DPP6: variants seen among roughly 807,000 people sequenced by gnomAD.
DPP6 encodes the protein A-type potassium channel modulatory protein DPP6.
In DPP6, 69 loss-of-function variants were observed where a neutral mutation model predicts 122.6. The ratio of observed to expected loss-of-function variants is 0.56; its 90% CI spans 0.46 to 0.69. The LOEUF is 0.69. Ranked by LOEUF, DPP6 falls within the 30% of genes least tolerant of loss-of-function variation. The probability of loss-of-function intolerance (pLI) is 0.00; values close to 1 mark genes in which losing one functional copy is unlikely to be tolerated. For synonymous variants in DPP6, 418 were observed against 433.1 expected (o/e 0.97, Z 0.43); for missense variants, 928 against 1,116.9 (o/e 0.83, Z 2.41).
At position 154,592,641 on chromosome 7, in the gene DPP6, C is replaced by T. The variant is rs114486919; in HGVS notation, c.627+25725C>T. On this transcript the variant is annotated intron_variant, in intron 5 of 25. Coordinates refer to ENST00000377770, the MANE Select transcript of DPP6 (RefSeq NM_130797.4). The stretch of plus-strand genomic sequence containing the variant: ...GGGAGGACGGCAGGGACGGCAGGGA[C>T]GGCATGGAAGCAGTGGCCCAGCAGA... 2.5e-3 allele frequency among the ~76,000 whole-genome samples: 363 copies of T among 147,814 alleles called. 3 individuals are homozygous for T. Among genetic ancestry groups the T allele is most frequent in the African/African-American group, 8.9e-3 (347 of 39,198 alleles).
chr7:154,430,029 C>T (rs912782927), intron 1 of DPP6, among the ~76,000 whole-genome samples: 4 of 152,132 alleles, frequency 2.6e-5, no homozygotes, highest in Admixed American at 6.5e-5. Flanking sequence ...AGTTTCCATC[C>T]ACCCTCCCAG....
At chr7:153,956,285 G>A (rs1669949520) in intron 1 of DPP6, among the ~76,000 whole-genome samples, 1 of 151,992 alleles carries the variant, frequency 6.6e-6, no homozygotes, top group Non-Finnish European at 1.5e-5. Context: ...AGGGAGACTG[G>A]GCTGACCACG....
intron 1 of DPP6, among the ~76,000 whole-genome samples, chr7:153,906,419 T>A (rs1314928415): frequency 6.6e-6 from 1 of 152,150 alleles, no homozygotes; most frequent in Admixed American, 6.5e-5. Flanking sequence ...ATCCATTGTT[T>A]AACTCCCAGT....
chr7:154,393,907 T>C (rs895783314), intron 1 of DPP6, among the ~76,000 whole-genome samples: 8 of 152,206 alleles, frequency 5.3e-5, no homozygotes, highest in Admixed American at 5.2e-4. Flanking sequence ...AGCATTTTTC[T>C]TTCTGGACTG....
At chr7:154,855,457 C>G (rs1802753532) in intron 17 of DPP6, among the ~76,000 whole-genome samples, 1 of 152,170 alleles carries the variant, frequency 6.6e-6, no homozygotes, top group Admixed American at 6.5e-5. Context: ...GGCTGGTTTC[C>G]CCAGCAAAAA....
At chr7:154,308,283 G>A (rs1806540143) in intron 1 of DPP6, among the ~76,000 whole-genome samples, 1 of 150,016 alleles carries the variant, frequency 6.7e-6, no homozygotes, top group Admixed American at 6.7e-5. Context: ...CTATTAGTTA[G>A]AGATTGTTGT....
chr7:154,587,696 C>G (rs928925736), intron 5 of DPP6: 1 of 1,551,340 alleles, frequency 6.4e-7, no homozygotes, highest in Non-Finnish European at 8.7e-7. Context: ...CATTCAAAAT[C>G]ATGTGACTCA....
intron 1 of DPP6, among the ~76,000 whole-genome samples, chr7:154,201,961 A>T (rs1799197051): frequency 6.6e-6 from 1 of 152,212 alleles, no homozygotes; most frequent in Non-Finnish European, 1.5e-5. Context: ...CAGAGATTAA[A>T]TAAGGCAGCG....
intron 1 of DPP6, among the ~76,000 whole-genome samples, 181 bp downstream of exon 1, chr7:154,053,244 G>C (rs958198041): frequency 2.0e-5 from 3 of 150,538 alleles, no homozygotes; most frequent in Admixed American, 2.0e-4. Flanking sequence ...GCGTCCCGGA[G>C]GGAGCGGGTC....
chr7:154,341,903 G>A (rs1450788046), intron 1 of DPP6, among the ~76,000 whole-genome samples: 1 of 151,978 alleles, frequency 6.6e-6, no homozygotes, highest in Non-Finnish European at 1.5e-5. Context: ...CACAGGGTGT[G>A]GCGCTTACAA....
intron 1 of DPP6, among the ~76,000 whole-genome samples, chr7:154,396,576 T>C (rs1376092319): frequency 6.6e-6 from 1 of 152,218 alleles, no homozygotes; most frequent in African/African-American, 2.4e-5. Context: ...CGGTGAAGGA[T>C]TGTAATGAAG....
chr7:154,692,781 CTT>C (rs200799193), intron 7 of DPP6, among the ~76,000 whole-genome samples: 43 of 141,458 alleles, frequency 3.0e-4, no homozygotes, highest in Non-Finnish European at 3.3e-4. Context: ...TTCTCTCTCT[CTT>C]TTTTTTTTTT....
chr7:154,776,051 C>A (rs1796540735), intron 10 of DPP6, among the ~76,000 whole-genome samples: 1 of 152,020 alleles, frequency 6.6e-6, no homozygotes, highest in African/African-American at 2.4e-5. Flanking sequence ...TCCTGCCCCA[C>A]CCACTGCTGA....
intron 1 of DPP6, among the ~76,000 whole-genome samples, chr7:154,272,499 A>G (rs1803860595): frequency 6.6e-6 from 1 of 152,244 alleles, no homozygotes; most frequent in Non-Finnish European, 1.5e-5. Context: ...AATTTCACCT[A>G]AAGACTCATT....
intron 1 of DPP6, among the ~76,000 whole-genome samples, chr7:154,259,949 C>T (rs1271921066): frequency 6.6e-6 from 1 of 152,062 alleles, no homozygotes; most frequent in Admixed American, 6.5e-5. Flanking sequence ...GCCAGGGCTG[C>T]GGCATGAGGC....
chr7:154,501,828 C>T (rs539447802), intron 3 of DPP6, among the ~76,000 whole-genome samples: 3 of 152,174 alleles, frequency 2.0e-5, no homozygotes, highest in Non-Finnish European at 4.4e-5. Context: ...GTTCTCCAGA[C>T]CCCAGAATGG....
upstream of DPP6, among the ~76,000 whole-genome samples, chr7:153,883,727 T>C (rs1584978317): frequency 6.6e-6 from 1 of 152,334 alleles, no homozygotes; most frequent in South Asian, 2.1e-4. Context: ...TCCTCTCCAG[T>C]ATTCCATATG....
At chr7:154,119,349 A>G (rs1173693104) in intron 1 of DPP6, among the ~76,000 whole-genome samples, 1 of 152,194 alleles carries the variant, frequency 6.6e-6, no homozygotes, top group Non-Finnish European at 1.5e-5. Flanking sequence ...ATTCACTCAA[A>G]CTAGTAAAGA....
intron 3 of DPP6, among the ~76,000 whole-genome samples, chr7:154,539,995 G>C (rs1828588489): frequency 1.3e-5 from 2 of 152,060 alleles, no homozygotes; most frequent in African/African-American, 2.4e-5. Context: ...TTGAAATCTT[G>C]GTTGTTCATC....
Sources: gnomAD v4.1 joint callset for allele counts (sites outside exome capture counted in the v4.1 genomes callset) on GRCh38, gnomAD v4.1.1 for gene constraint, MANE v1.5 for transcripts, NCBI Gene and HGNC (gene_info 2026-07-23, HGNC 2026-07-21) for gene names.